The following ATP10D variants were observed in gnomAD, a reference collection of about 807,000 sequenced individuals.
The protein encoded by ATP10D is phospholipid-transporting ATPase VD.
In ATP10D, 89 loss-of-function variants were observed where a neutral mutation model predicts 144.8. That is an observed-to-expected ratio of 0.61 (90% CI 0.52 to 0.73). The LOEUF is 0.73. Ranked by LOEUF, ATP10D falls within the 30% of genes least tolerant of loss-of-function variation. The pLI, the probability that ATP10D is intolerant of heterozygous loss-of-function variation, is 0.00. For missense variants in ATP10D, 1,603 were observed against 1,714.8 expected, an observed-to-expected ratio of 0.93 and a Z score of 1.15; for synonymous variants, 571 against 615.1, an observed-to-expected ratio of 0.93 and a Z score of 1.06.
At chr4:47,512,068 C>T (rs1440427912) in intron 1 of ATP10D, among the ~76,000 whole-genome samples, 1 of 152,208 alleles carries the variant, frequency 6.6e-6, no homozygotes, top group Non-Finnish European at 1.5e-5. Context: ...TTTTTGTAAT[C>T]CACATAGAAT....
At chr4:47,590,986 G>T (rs959385550) in intron 22 of ATP10D, 56 bp from the exon 23 acceptor site, 9 of 1,206,990 alleles carry the variant, frequency 7.5e-6, no homozygotes, top group Middle Eastern at 2.9e-4. Flanking sequence ...TGGGGGGGGG[G>T]GTTCTGTAAT....
chr4:47,536,803 C>T lies in ATP10D; in HGVS notation c.1261C>T (p.Arg421Ter), dbSNP rs751670908. Residue 421 changes from arginine (R) to a stop codon, truncating the protein, a stop_gained, in exon 9 of 23, where the codon CGA (arginine) becomes TGA (stop). Coordinates refer to ENST00000273859, the MANE Select transcript of ATP10D (RefSeq NM_020453.4). LOFTEE classifies it high-confidence loss of function. ...NEKMDSIVQC[R>*]ALNIAEDLGQ... ...AAAAATGGATTCTATTGTTCAGTGC[C>T]GAGCCCTGAACATCGCCGAGGATCT... 6 of 1,612,982 alleles carry T rather than the reference C, an allele frequency of 3.7e-6. No individual in the cohort carries two copies. In the Admixed American group the frequency reaches 5.0e-5, roughly 13 times the overall value.
chr4:47,546,237 A>G (rs12502323), intron 9 of ATP10D, among the ~76,000 whole-genome samples: 35,756 of 152,030 alleles, frequency 0.24, 4,197 homozygotes, highest in Admixed American at 0.3. Context: ...TACTTAAAGA[A>G]AGATTGGTGT....
intron 1 of ATP10D, among the ~76,000 whole-genome samples, chr4:47,501,149 C>G (rs1715661797): frequency 6.6e-6 from 1 of 152,034 alleles, no homozygotes; most frequent in South Asian, 2.1e-4. Context: ...CAGTATTAAC[C>G]ATAAAATTTG....
chr4:47,588,376 T>A (rs1466236317), intron 22 of ATP10D, among the ~76,000 whole-genome samples: 1 of 152,214 alleles, frequency 6.6e-6, no homozygotes, highest in Non-Finnish European at 1.5e-5. Context: ...TGTTATTCTA[T>A]AACAGCGTCA....
In ATP10D at chr4:47,572,200, G is replaced by A. The variant is rs866750067; in HGVS notation, c.3210G>A (p.Gly1070=). The change falls in exon 17 of 23, where the codon GGG becomes GGA. Residue 1070 remains glycine, a synonymous_variant. Transcript: ENST00000273859. Reference sequence around the variant, plus strand: ...GCATGATACAAGTGGCAGACATTGGGATAGGGGTCTCAGGTCAAGAAGGCA... The same window carrying A: ...GCATGATACAAGTGGCAGACATTGGAATAGGGGTCTCAGGTCAAGAAGGCA... The part of the protein sequence containing the change: ...DVSMIQVADI[G]IGVSGQEGMQ... 1 of 1,613,950 alleles carries A rather than the reference G, an allele frequency of 6.2e-7. No individual in the cohort carries two copies. Among genetic ancestry groups the A allele is most frequent in the Non-Finnish European group, 8.5e-7 (1 of 1,180,000 alleles).
chr4:47,519,822 A>G (rs1716856475), intron 3 of ATP10D, among the ~76,000 whole-genome samples: 1 of 152,132 alleles, frequency 6.6e-6, no homozygotes, highest in African/African-American at 2.4e-5. Flanking sequence ...CTCTGTTTCA[A>G]ATTTTGACCA....
chr4:47,509,577 A>G (rs374997862), intron 1 of ATP10D, among the ~76,000 whole-genome samples: 1 of 152,174 alleles, frequency 6.6e-6, no homozygotes, highest in Non-Finnish European at 1.5e-5. Context: ...TCTCTTAACA[A>G]TTTTCAAGTG....
intron 9 of ATP10D, among the ~76,000 whole-genome samples, chr4:47,539,365 G>T (rs1220142691): frequency 3.3e-5 from 5 of 152,018 alleles, no homozygotes; most frequent in African/African-American, 4.8e-5. Context: ...TAATCATATT[G>T]AATATGATGA....
rs750606344 is a variant in ATP10D, at chr4:47,554,932, T to C, written c.1824+18T>C. On this transcript the variant is annotated intron_variant, in intron 11 of 22. Transcript: ENST00000273859. ...GACAAAAGGTGAGTAAGTTCTCTAA[T>C]GCAAACAAGGGTCACTTTCCAGAAG... 5 of 1,608,154 alleles carry C rather than the reference T, an allele frequency of 3.1e-6. No individual in the cohort carries two copies. The African/African-American group carries it at 6.7e-5, about 22-fold the overall frequency.
intron 1 of ATP10D, among the ~76,000 whole-genome samples, chr4:47,510,799 A>C (rs1019671126): frequency 5.9e-5 from 9 of 152,060 alleles, no homozygotes; most frequent in African/African-American, 2.2e-4. Flanking sequence ...TGGACACTAG[A>C]GGGATAAACA....
At chr4:47,505,792 T>A (rs192498819) in intron 1 of ATP10D, among the ~76,000 whole-genome samples, 1 of 151,832 alleles carries the variant, frequency 6.6e-6, no homozygotes, top group Admixed American at 6.6e-5. Flanking sequence ...GGGGGTGAGA[T>A]TCAGGAGATT....
chr4:47,532,209 C>T (rs1010573526), intron 5 of ATP10D, among the ~76,000 whole-genome samples: 3 of 152,116 alleles, frequency 2.0e-5, no homozygotes, highest in Non-Finnish European at 1.5e-5. Context: ...TAGACACATT[C>T]GAGCATCATT....
intron 1 of ATP10D, among the ~76,000 whole-genome samples, chr4:47,504,196 G>T (rs78933847): frequency 1.3e-5 from 2 of 152,194 alleles, no homozygotes; most frequent in South Asian, 4.1e-4. Context: ...ATTGACCCTT[G>T]TCATCACAAA....
At position 47,536,816 on chromosome 4, in the gene ATP10D, T is replaced by C. The variant is rs776065711; in HGVS notation, c.1274T>C (p.Ile425Thr). Residue 425 changes from isoleucine (I) to threonine (T), a missense_variant, in exon 9 of 23, where the codon ATC becomes ACC. Ile to Thr is a moderately conservative substitution (Grantham distance 89). Coordinates refer to ENST00000273859, the MANE Select transcript of ATP10D (RefSeq NM_020453.4). ...ATTGTTCAGTGCCGAGCCCTGAACA[T>C]CGCCGAGGATCTGGGACAGATTCAG... ...DSIVQCRALNIAEDLGQIQYL... is the reference protein window; with the variant it reads ...DSIVQCRALNTAEDLGQIQYL... The C allele has an allele frequency of 1.9e-6, 3 of 1,613,136 alleles. No individual in the cohort carries two copies. Among genetic ancestry groups the C allele is most frequent in the Non-Finnish European group, 2.5e-6 (3 of 1,179,644 alleles).
At chr4:47,556,733 AT>A (rs986552777) in intron 11 of ATP10D, 24 of 152,134 alleles carry the variant, frequency 1.6e-4, no homozygotes, top group African/African-American at 5.5e-4. Context: ...AAAATTAGTT[AT>A]TTTTAGGGGA....
chr4:47,572,978 A>G lies in ATP10D; in HGVS notation c.3347A>G (p.Tyr1116Cys), dbSNP rs141533238. 6.4e-5 allele frequency: 103 copies of G among 1,613,850 alleles called. No individual in the cohort carries two copies. The African/African-American group carries it at 1.2e-3, about 19-fold the overall frequency. The change falls in exon 18 of 23, where the codon TAT (tyrosine) becomes TGT (cysteine). Residue 1116 changes from tyrosine to cysteine, a missense_variant. By Grantham distance (194) the Tyr-to-Cys change is radical (BLOSUM62 -2). Transcript: ENST00000273859. The stretch of plus-strand genomic sequence containing the variant: ...ACACGGCTTTCCAACATGATTCTCT[A>G]TTTTTTCTATAAGAATGTGGTATGT... The part of the protein sequence containing the change: ...CYTRLSNMIL[Y>C]FFYKNVAYVN...
At chr4:47,486,206 G>A (rs1044455477) in intron 1 of ATP10D, among the ~76,000 whole-genome samples, 3 of 152,148 alleles carry the variant, frequency 2.0e-5, no homozygotes, top group South Asian at 2.1e-4. Context: ...AATTTACCAC[G>A]TACAGCAGAG....
At chr4:47,489,730 GAAATCACA>G (rs890131535) in intron 1 of ATP10D, among the ~76,000 whole-genome samples, 2 of 152,092 alleles carry the variant, frequency 1.3e-5, no homozygotes, top group African/African-American at 4.8e-5. Context: ...GATTATAAGG[GAAATCACA>G]AAACAAAGCT....
Sources: allele counts gnomAD v4.1 joint callset (sites outside exome capture counted in the v4.1 genomes callset), GRCh38; gene constraint gnomAD v4.1.1; transcripts MANE v1.5; gene names NCBI Gene and HGNC (gene_info 2026-07-23, HGNC 2026-07-21).